The following EPS8 variants were observed in gnomAD, a reference collection of about 807,000 sequenced individuals.
EPS8 encodes the protein epidermal growth factor receptor kinase substrate 8.
EPS8 carries 42 observed loss-of-function variants against 103.8 expected under a neutral mutation model. The ratio of observed to expected loss-of-function variants is 0.40; its 90% CI spans 0.32 to 0.52. The LOEUF is 0.52. Ranked by LOEUF, EPS8 falls within the 20% of genes least tolerant of loss-of-function variation. The pLI is 0.40. For missense variants in EPS8, 969 were observed against 1,005.1 expected (o/e 0.96, Z 0.49); for synonymous variants, 344 against 344.6 (o/e 1.00, Z 0.02).
At position 15,747,197 on chromosome 12, in the gene EPS8, T is replaced by C. The variant is rs947963223; in HGVS notation, c.-22+41964A>G. On this transcript the variant is annotated intron_variant, in intron 1 of 20. Coordinates refer to ENST00000281172, the MANE Select transcript of EPS8 (RefSeq NM_004447.6). The surrounding 1 kb of genome is among the most constrained non-coding windows in gnomAD (Gnocchi z 4.4). Reference sequence around the variant, plus strand: ...CTAGAGATTATTTGCTGTACACATTTGGATATTAACTTTAAAACTTAACCT... The same window carrying C: ...CTAGAGATTATTTGCTGTACACATTCGGATATTAACTTTAAAACTTAACCT... Among the ~76,000 whole-genome samples the C allele has an allele frequency of 2.0e-5, 3 of 152,226 alleles. No individual in the cohort carries two copies. The highest frequency in any genetic ancestry group is 6.5e-5 in the Admixed American group (1 of 15,288).
At chr12:15,753,440 G>C (rs375490156) in intron 1 of EPS8, among the ~76,000 whole-genome samples, 2 of 152,030 alleles carry the variant, frequency 1.3e-5, no homozygotes, top group Non-Finnish European at 2.9e-5. Context: ...TGGACAAATC[G>C]TAAGACCTGT....
Position 15,780,529 on chromosome 12 carries a change from C to CACACACACACAG in EPS8, c.-22+8631_-22+8632insCTGTGTGTGTGT, listed in dbSNP as rs1360084801. 1 of 151,332 alleles carries CACACACACACAG rather than the reference C, an allele frequency of 6.6e-6. No homozygotes were observed. The highest frequency in any genetic ancestry group is 1.4e-5 in the Non-Finnish European group (1 of 68,988). The allele number at this position is 151,332 out of a possible 1,614,324, so 9.4% of individuals were successfully genotyped here. On this transcript the variant is annotated intron_variant, in intron 1 of 20. Coordinates refer to ENST00000281172, the MANE Select transcript of EPS8 (RefSeq NM_004447.6). This position sits in a 1 kb window ranked among gnomAD's most constrained non-coding sequence, Gnocchi z 4.1. ...ACACACACACACACACACACACACA[C>CACACACACACAG]AGGCATACACACTTTTCATTTAACA...
Position 15,665,784 on chromosome 12 carries a change from C to A in EPS8, c.708G>T (p.Trp236Cys). ...QVDVRSRVAAWSAWAADQGDF... is the reference protein window; with the variant it reads ...QVDVRSRVAACSAWAADQGDF... ...CCCCTTGGTCGGCTGCCCATGCAGA[C>A]CAGGCTGCCACTCGACTTCTAACAT... Residue 236 changes from tryptophan (W) to cysteine (C), a missense_variant, in exon 8 of 21, where the codon TGG becomes TGT. Physicochemically the swap from Trp to Cys is radical, Grantham distance 215. Transcript: ENST00000281172. 1 of 1,613,578 alleles carries A rather than the reference C, an allele frequency of 6.2e-7. No individual in the cohort carries two copies.
intron 1 of EPS8, among the ~76,000 whole-genome samples, chr12:15,711,601 A>C (rs910730632): frequency 2.6e-5 from 4 of 152,164 alleles, no homozygotes; most frequent in Admixed American, 6.5e-5. Context: ...TAATACTGCC[A>C]TTTGCCTTAG....
intron 16 of EPS8, 56 bp from the exon 17 acceptor site, chr12:15,640,902 A>G (rs1397859406): frequency 1.3e-6 from 2 of 1,557,124 alleles, no homozygotes; most frequent in Non-Finnish European, 1.7e-6. Context: ...ATTCTACGAA[A>G]GAAGTTCCCT....
At position 15,751,224 on chromosome 12, in the gene EPS8, G is replaced by T. The variant is rs1173992290; in HGVS notation, c.-22+37937C>A. Among the ~76,000 whole-genome samples the T allele has an allele frequency of 6.6e-6, 1 of 152,034 alleles. No individual in the cohort carries two copies. Among genetic ancestry groups the T allele is most frequent in the African/African-American group, 2.4e-5 (1 of 41,364 alleles). ...AATATAAAAATTAGCCACACGTAGT[G>T]GTGTGTGCCTGTAATCCCAGCTACT... On this transcript the variant is annotated intron_variant, in intron 1 of 20. Coordinates refer to ENST00000281172, the MANE Select transcript of EPS8 (RefSeq NM_004447.6). This position sits in a 1 kb window ranked among gnomAD's most constrained non-coding sequence, Gnocchi z 4.3.
intron 13 of EPS8, among the ~76,000 whole-genome samples, chr12:15,652,192 C>G (rs924976788): frequency 2.0e-5 from 3 of 152,032 alleles, no homozygotes; most frequent in African/African-American, 7.2e-5. Flanking sequence ...GGAGGTTATT[C>G]CATTAAGCGA....
At chr12:15,660,904 C>G (rs191700497) in intron 9 of EPS8, among the ~76,000 whole-genome samples, 164 bp from the exon 10 acceptor site, 4 of 152,292 alleles carry the variant, frequency 2.6e-5, no homozygotes, top group Non-Finnish European at 5.9e-5. Flanking sequence ...ATACCTATAG[C>G]CATATTCTGA....
Position 15,702,970 on chromosome 12 carries a change from G to A in EPS8, c.-21-19998C>T, listed in dbSNP as rs186656930. Reference sequence around the variant, plus strand: ...TTGAGACCATCCTGGCCAACATAGTGAAACCCCATCTCCACTAAAAATACA... The same window carrying A: ...TTGAGACCATCCTGGCCAACATAGTAAAACCCCATCTCCACTAAAAATACA... On this transcript the variant is annotated intron_variant, in intron 1 of 20. Coordinates refer to ENST00000281172, the MANE Select transcript of EPS8 (RefSeq NM_004447.6). This position sits in a 1 kb window ranked among gnomAD's most constrained non-coding sequence, Gnocchi z 5.1. 6.6e-6 allele frequency among the ~76,000 whole-genome samples: 1 copy of A among 152,100 alleles called. No homozygotes were observed. The highest frequency in any genetic ancestry group is 1.5e-5 in the Non-Finnish European group (1 of 68,016).
At chr12:15,650,619 G>C (rs1945395288) in intron 14 of EPS8, among the ~76,000 whole-genome samples, 1 of 152,082 alleles carries the variant, frequency 6.6e-6, no homozygotes, top group Non-Finnish European at 1.5e-5. Flanking sequence ...TTTGGGTTGG[G>C]GTTGGGCTTC....
chr12:15,722,223 T>C (rs1182938116), intron 1 of EPS8, among the ~76,000 whole-genome samples: 1 of 151,504 alleles, frequency 6.6e-6, no homozygotes, highest in Admixed American at 6.6e-5. Context: ...GAAAAAGTCA[T>C]AATGTTTTAA....
intron 1 of EPS8, among the ~76,000 whole-genome samples, chr12:15,775,450 G>A (rs1565539540): frequency 6.6e-6 from 1 of 152,028 alleles, no homozygotes; most frequent in African/African-American, 2.4e-5. Context: ...AATAGCCAAC[G>A]TTCCTTTGTG....
chr12:15,661,342 A>C (rs1307650269), intron 9 of EPS8, among the ~76,000 whole-genome samples: 2 of 152,174 alleles, frequency 1.3e-5, no homozygotes, highest in African/African-American at 4.8e-5. Flanking sequence ...TAAGACTACA[A>C]ATTGGGGTTA....
intron 13 of EPS8, among the ~76,000 whole-genome samples, chr12:15,653,010 A>G (rs1945441481): frequency 6.6e-6 from 1 of 152,258 alleles, no homozygotes. Context: ...TCATGAAATT[A>G]GAAATATTTT....
At chr12:15,662,469 G>C (rs1055503775) in intron 8 of EPS8, 1 of 1,003,542 alleles carries the variant, frequency 1.0e-6, no homozygotes, top group Non-Finnish European at 1.2e-6. Flanking sequence ...TCAAAAGCTG[G>C]TCAACTAAGT....
Position 15,662,064 on chromosome 12 carries a change from T to C in EPS8, c.772A>G (p.Thr258Ala), listed in dbSNP as rs773694351. Residue 258 changes from threonine to alanine, a missense_variant, in exon 9 of 21, where the codon ACA becomes GCA. Transcript: ENST00000281172. ...KPRQYHEQEE[T>A]PEMMAARIDR... ...ATGCGGGCTGCCATCATCTCAGGTG[T>C]TTCTTCCTGCTCATGATACTGCCTT... The C allele has an allele frequency of 3.7e-6, 6 of 1,613,956 alleles. No individual in the cohort carries two copies. The South Asian group carries it at 6.6e-5, about 18-fold the overall frequency.
intron 1 of EPS8, among the ~76,000 whole-genome samples, chr12:15,741,821 T>C (rs1480229688): frequency 6.6e-6 from 1 of 152,118 alleles, no homozygotes; most frequent in Non-Finnish European, 1.5e-5. Context: ...CATTAACTCG[T>C]CATTTACATT....
intron 1 of EPS8, among the ~76,000 whole-genome samples, chr12:15,768,684 G>A (rs1007782476): frequency 1.3e-5 from 2 of 148,274 alleles, no homozygotes; most frequent in African/African-American, 2.5e-5. Context: ...GTAGTGATTC[G>A]GCAATCCACA....
intron 2 of EPS8, 83 bp downstream of exon 2, chr12:15,682,810 T>C: frequency 1.3e-6 from 1 of 760,768 alleles, no homozygotes; most frequent in Non-Finnish European, 2.2e-6. Flanking sequence ...ACGAAAGTAA[T>C]CTTTTCACTA....
Sources: allele counts gnomAD v4.1 joint callset (sites outside exome capture counted in the v4.1 genomes callset), GRCh38; gene constraint gnomAD v4.1.1; non-coding constraint Gnocchi (gnomAD v3.1); transcripts MANE v1.5; gene names NCBI Gene and HGNC (gene_info 2026-07-23, HGNC 2026-07-21).